Variants in AP3S2 observed in about 807,000 individuals in gnomAD.
AP3S2 encodes the protein AP-3 complex subunit sigma-2.
Under a neutral mutation model 23.4 loss-of-function variants are expected in AP3S2, and 22 were observed. The ratio of observed to expected loss-of-function variants is 0.94; its 90% confidence interval spans 0.67 to 1.34. The LOEUF is 1.34. Among genes scored for constraint, AP3S2 ranks in the 40% most tolerant of loss-of-function variants. The probability of loss-of-function intolerance (pLI) is 0.00; values close to 1 mark genes in which losing one functional copy is unlikely to be tolerated. For missense variants in AP3S2, 241 were observed against 236.9 expected (o/e 1.02, Z -0.11); for synonymous variants, 86 against 87.1 (o/e 0.99, Z 0.07).
At chr15:89,890,573 T>C (rs961930441) in intron 1 of AP3S2, among the ~76,000 whole-genome samples, 1 of 152,220 alleles carries the variant, frequency 6.6e-6, no homozygotes, top group Non-Finnish European at 1.5e-5. Flanking sequence ...GCTGTTAAAA[T>C]ACAGATTCGG....
In AP3S2 at chr15:89,846,525, A is replaced by AT. The variant is rs1216668764; in HGVS notation, c.346-8804dup. On this transcript the variant is annotated intron_variant, in intron 4 of 5. Transcript: ENST00000336418. Reference sequence around the variant, plus strand: ...GGCCACATGCCACCACACCCGGCTAATTTTTTTTCTTTTTTTTTTGAGACG... The same window carrying AT: ...GGCCACATGCCACCACACCCGGCTAATTTTTTTTTCTTTTTTTTTTGAGACG... 7.5e-4 allele frequency among the ~76,000 whole-genome samples: 113 copies of AT among 150,724 alleles called. 1 individual carries two copies. Among genetic ancestry groups the AT allele is most frequent in the African/African-American group, 2.6e-3 (106 of 40,990 alleles).
intron 4 of AP3S2, among the ~76,000 whole-genome samples, chr15:89,839,075 C>G (rs1895263679): frequency 6.6e-6 from 1 of 152,172 alleles, no homozygotes; most frequent in South Asian, 2.1e-4. Context: ...TCCAGCTTGA[C>G]AATCAAAAAT....
intron 4 of AP3S2, among the ~76,000 whole-genome samples, chr15:89,840,999 A>C (rs559897056): frequency 2.4e-4 from 36 of 152,326 alleles, no homozygotes; most frequent in African/African-American, 8.4e-4. Flanking sequence ...AAGGCCTAGA[A>C]CAACGCTCAG....
chr15:89,860,169 A>T (rs1895979258), intron 4 of AP3S2, among the ~76,000 whole-genome samples: 2 of 152,202 alleles, frequency 1.3e-5, no homozygotes, highest in Admixed American at 1.3e-4. Flanking sequence ...AAAGTACAGT[A>T]GTCCCCCCTT....
At position 89,837,607 on chromosome 15, in the gene AP3S2, T is replaced by A; in HGVS notation, c.453+8A>T. 20 of 1,614,106 alleles carry A rather than the reference T, an allele frequency of 1.2e-5. No individual in the cohort carries two copies. The highest frequency in any genetic ancestry group is 1.7e-5 in the Non-Finnish European group (20 of 1,179,986). On this transcript the variant is annotated splice_region_variant and intron_variant, in intron 5 of 5. Coordinates refer to ENST00000336418, the MANE Select transcript of AP3S2 (RefSeq NM_005829.5). ...CCAGCCAGGGCTAGAGCACAGCTGC[T>A]TACTCACCTCGGATTTCTCCAGCCT... is the stretch of plus-strand genomic sequence containing the variant.
chr15:89,881,364 TAATAG>T lies in AP3S2; in HGVS notation c.273+7152_273+7156del, dbSNP rs767354176. Among the ~76,000 whole-genome samples, 3 of 152,186 alleles carry T rather than the reference TAATAG, an allele frequency of 2.0e-5. No homozygotes were observed. In the East Asian group the frequency reaches 5.8e-4, roughly 29 times the overall value. The stretch of plus-strand genomic sequence containing the variant: ...AAAAATGGATTATTTACACTTAATA[TAATAG>T]GTTAGACAATAATTAGTTAAATAAG... On this transcript the variant is annotated intron_variant, in intron 3 of 5. Coordinates refer to ENST00000336418, the MANE Select transcript of AP3S2 (RefSeq NM_005829.5).
At chr15:89,837,904 T>C (rs899069724) in intron 4 of AP3S2, 182 bp from the exon 5 acceptor site, 3 of 592,816 alleles carry the variant, frequency 5.1e-6, no homozygotes, top group Admixed American at 6.5e-5. Flanking sequence ...TCTTGGCACA[T>C]GGCAACACGA....
At chr15:89,871,416 C>T in intron 4 of AP3S2, 59 bp downstream of exon 4, 1 of 1,542,992 alleles carries the variant, frequency 6.5e-7, no homozygotes, top group Non-Finnish European at 8.8e-7. Flanking sequence ...GCTACAGATG[C>T]CCAAGGCTCT....
At chr15:89,889,291 ATAG>A in intron 1 of AP3S2, 151 bp from the exon 2 acceptor site, 2 of 809,472 alleles carry the variant, frequency 2.5e-6, no homozygotes, top group Non-Finnish European at 3.9e-6. Context: ...ATGAGAAAAA[ATAG>A]GAGTGAATCT....
chr15:89,869,218 C>G (rs1896252802), intron 4 of AP3S2, among the ~76,000 whole-genome samples: 1 of 148,874 alleles, frequency 6.7e-6, no homozygotes, highest in African/African-American at 2.5e-5. Flanking sequence ...TCATTTTGTT[C>G]TGCACTAAGA....
At position 89,867,788 on chromosome 15, in the gene AP3S2, A is replaced by C. The variant is rs1256788; in HGVS notation, c.345+3687T>G. ...ACCCTCTGCCTGGCAACCACCCCGT[A>C]TGAGAAGTGAGGAGCCCCTCCGCCC... On this transcript the variant is annotated intron_variant, in intron 4 of 5. Transcript: ENST00000336418. Among the ~76,000 whole-genome samples, 1,041 of 128,530 alleles carry C rather than the reference A, an allele frequency of 8.1e-3. 6 individuals carry two copies. The highest frequency in any genetic ancestry group is 0.013 in the Non-Finnish European group (754 of 60,196). The allele number at this position is 128,530 out of a possible 152,430, so 84.3% of individuals were successfully genotyped here. A position where few individuals can be genotyped will look rare whatever the true frequency, so the allele number is the denominator to read the frequency against.
chr15:89,851,462 CTGAG>C (rs1895652300), intron 4 of AP3S2, among the ~76,000 whole-genome samples: 1 of 152,276 alleles, frequency 6.6e-6, no homozygotes, highest in Non-Finnish European at 1.5e-5. Context: ...CCTCAGCCTC[CTGAG>C]TAACTATGAT....
chr15:89,889,024 G>T, intron 2 of AP3S2, 25 bp downstream of exon 2: 2 of 1,613,870 alleles, frequency 1.2e-6, no homozygotes, highest in Admixed American at 1.7e-5. Flanking sequence ...GATATATGGG[G>T]AGAAAAATGA....
At position 89,855,528 on chromosome 15, in the gene AP3S2, GAATA is replaced by G. The variant is rs1282267190; in HGVS notation, c.345+15943_345+15946del. Among the ~76,000 whole-genome samples the G allele has an allele frequency of 4.4e-5, 5 of 112,576 alleles. 1 individual carries two copies. The highest frequency in any genetic ancestry group is 7.3e-5 in the Non-Finnish European group (4 of 54,772). The allele number at this position is 112,576 out of a possible 152,430, so 73.9% of individuals were successfully genotyped here. ...AAACACCCAAGAATTATCAATAAAA[GAATA>G]AATTAAAAAAAAAAAAAAAGAATGG... On this transcript the variant is annotated intron_variant, in intron 4 of 5. Coordinates refer to ENST00000336418, the MANE Select transcript of AP3S2 (RefSeq NM_005829.5).
intron 4 of AP3S2, among the ~76,000 whole-genome samples, chr15:89,870,131 C>T (rs571548741): frequency 6.6e-6 from 1 of 152,174 alleles, no homozygotes; most frequent in Non-Finnish European, 1.5e-5. Context: ...CTCTTTAATA[C>T]TTGAAAGGGA....
intron 4 of AP3S2, among the ~76,000 whole-genome samples, chr15:89,858,433 C>T (rs1895893742): frequency 6.8e-6 from 1 of 146,732 alleles, no homozygotes; most frequent in Non-Finnish European, 1.5e-5. Context: ...AAGAGCGAAA[C>T]TCCATCTCAA....
chr15:89,881,114 C>G (rs1304530369), intron 3 of AP3S2, among the ~76,000 whole-genome samples: 5 of 152,098 alleles, frequency 3.3e-5, no homozygotes, highest in Non-Finnish European at 5.9e-5. Context: ...TGAGAGTATT[C>G]CAGGGGACAG....
At chr15:89,853,293 C>T (rs906638092) in intron 4 of AP3S2, among the ~76,000 whole-genome samples, 1 of 152,188 alleles carries the variant, frequency 6.6e-6, no homozygotes, top group Admixed American at 6.5e-5. Flanking sequence ...AAGACAAATT[C>T]ACCATTTATT....
At chr15:89,868,682 G>T (rs1305372939) in intron 4 of AP3S2, among the ~76,000 whole-genome samples, 1 of 108,118 alleles carries the variant, frequency 9.2e-6, no homozygotes, top group African/African-American at 3.6e-5. Context: ...CGCCCGGTCC[G>T]GGAGGGAGGT....
Sources: gnomAD v4.1 joint callset for allele counts (sites outside exome capture counted in the v4.1 genomes callset) on GRCh38, gnomAD v4.1.1 for gene constraint, MANE v1.5 for transcripts, NCBI Gene and HGNC (gene_info 2026-07-23, HGNC 2026-07-21) for gene names.